Variants in ASPRV1 observed in about 807,000 individuals in gnomAD.
ASPRV1 encodes aspartic peptidase retroviral like 1.
ASPRV1 carries 7 observed loss-of-function variants against 11.0 expected under a neutral mutation model. The observed-to-expected ratio is 0.64, with a 90% CI of 0.36 to 1.20. ASPRV1 has a LOEUF of 1.20. Among genes scored for constraint, ASPRV1 ranks in the 50% most tolerant of loss-of-function variants. The pLI is 0.02. For missense variants in ASPRV1, 299 were observed against 320.0 expected, an observed-to-expected ratio of 0.93 and a Z score of 0.50; for synonymous variants, 136 against 138.4, an observed-to-expected ratio of 0.98 and a Z score of 0.12.
At chr2:69,946,734 A>G in the ASPRV1 span, among the ~76,000 whole-genome samples, 1 of 152,224 alleles carries the variant, frequency 6.6e-6, no homozygotes, top group Non-Finnish European at 1.5e-5. Context: ...GACAACAAAC[A>G]GTAGGCAGGA....
At chr2:70,056,900 A>G in the ASPRV1 span, among the ~76,000 whole-genome samples, 1 of 151,700 alleles carries the variant, frequency 6.6e-6, no homozygotes, top group Non-Finnish European at 1.5e-5. Context: ...TCACCCAGCT[A>G]ATTTTTTTGT....
the ASPRV1 span, among the ~76,000 whole-genome samples, chr2:70,021,412 G>A: frequency 4.0e-5 from 6 of 150,476 alleles, no homozygotes; most frequent in East Asian, 2.0e-4. Flanking sequence ...TCCACCTTCC[G>A]GGTTCACGAC....
chr2:69,949,814 T>C, the ASPRV1 span, among the ~76,000 whole-genome samples: 10 of 152,288 alleles, frequency 6.6e-5, no homozygotes, highest in African/African-American at 2.4e-4. Flanking sequence ...CATGCATATG[T>C]ATTTGTTTGT....
chr2:70,033,696 C>T, the ASPRV1 span, among the ~76,000 whole-genome samples: 1 of 152,104 alleles, frequency 6.6e-6, no homozygotes, highest in African/African-American at 2.4e-5. Flanking sequence ...ATTAAGCCAC[C>T]CCTCTTTAGA....
At chr2:69,990,287 G>A in the ASPRV1 span, among the ~76,000 whole-genome samples, 10 of 152,054 alleles carry the variant, frequency 6.6e-5, no homozygotes, top group Non-Finnish European at 1.2e-4. Context: ...GGGTTCATGC[G>A]ATTCTCATTC....
chr2:70,032,781 G>A, the ASPRV1 span, among the ~76,000 whole-genome samples: 1 of 152,136 alleles, frequency 6.6e-6, no homozygotes, highest in Non-Finnish European at 1.5e-5. Context: ...GTGTGGCTGA[G>A]GAGGCTGCAG....
the ASPRV1 span, chr2:69,975,715 G>A: frequency 4.6e-5 from 7 of 152,370 alleles, no homozygotes; most frequent in Non-Finnish European, 7.3e-5. Flanking sequence ...AGTAGGGGCC[G>A]AGATGATGTG....
chr2:70,042,610 A>G, the ASPRV1 span, among the ~76,000 whole-genome samples: 1 of 152,228 alleles, frequency 6.6e-6, no homozygotes, highest in Non-Finnish European at 1.5e-5. Context: ...CATAGAACAC[A>G]TGCCCAGGAG....
At chr2:69,953,021 G>T in the ASPRV1 span, among the ~76,000 whole-genome samples, 2 of 152,216 alleles carry the variant, frequency 1.3e-5, no homozygotes, top group African/African-American at 4.8e-5. Flanking sequence ...CCCTCCAGGG[G>T]CTGCACAGCG....
At chr2:69,950,324 T>G in the ASPRV1 span, among the ~76,000 whole-genome samples, 2 of 152,196 alleles carry the variant, frequency 1.3e-5, no homozygotes, top group African/African-American at 4.8e-5. Context: ...TTTTTGCCTT[T>G]GTCCTCTTGC....
At chr2:69,988,645 G>A in the ASPRV1 span, 10 of 396,520 alleles carry the variant, frequency 2.5e-5, no homozygotes, top group South Asian at 7.3e-5. Context: ...TAATGTCACT[G>A]AATTGTACAC....
the ASPRV1 span, chr2:69,968,302 G>A: frequency 6.6e-6 from 1 of 152,156 alleles, no homozygotes; most frequent in Non-Finnish European, 1.5e-5. Context: ...GGAGGCCAAG[G>A]TGGGTAGATC....
chr2:69,944,640 A>G, the ASPRV1 span, among the ~76,000 whole-genome samples: 3 of 152,172 alleles, frequency 2.0e-5, no homozygotes, highest in Admixed American at 6.5e-5. Flanking sequence ...CATATACGGC[A>G]TCTTTTCCTT....
the ASPRV1 span, among the ~76,000 whole-genome samples, chr2:70,037,448 T>A: frequency 6.6e-6 from 1 of 152,184 alleles, no homozygotes; most frequent in African/African-American, 2.4e-5. Flanking sequence ...CTCAGCCTCC[T>A]GAGCTACTGC....
At chr2:69,982,664 G>C in the ASPRV1 span, among the ~76,000 whole-genome samples, 1 of 152,138 alleles carries the variant, frequency 6.6e-6, no homozygotes, top group African/African-American at 2.4e-5. Flanking sequence ...CTGGGCACTA[G>C]GAGTCGTCAA....
the ASPRV1 span, among the ~76,000 whole-genome samples, chr2:69,933,878 G>A: frequency 7.9e-5 from 12 of 152,286 alleles, no homozygotes; most frequent in Non-Finnish European, 1.6e-4. Context: ...TCCCAATTCA[G>A]CTGGAGGGGA....
chr2:69,977,181 AT>A, the ASPRV1 span, among the ~76,000 whole-genome samples: 2 of 152,044 alleles, frequency 1.3e-5, no homozygotes, highest in African/African-American at 4.8e-5. Context: ...GTAAAAAAAA[AT>A]AAAAAATAAA....
the ASPRV1 span, chr2:69,970,830 G>C: frequency 6.6e-6 from 1 of 152,242 alleles, no homozygotes; most frequent in Non-Finnish European, 1.5e-5. Context: ...TTGAATATCA[G>C]GCCTGGCAGT....
the ASPRV1 span, among the ~76,000 whole-genome samples, chr2:70,077,974 C>T: frequency 3.3e-5 from 5 of 151,952 alleles, no homozygotes; most frequent in Admixed American, 3.3e-4. Context: ...TGAGACCAGC[C>T]TGACCAACAT....
Sources: allele counts gnomAD v4.1 joint callset (sites outside exome capture counted in the v4.1 genomes callset), GRCh38; gene constraint gnomAD v4.1.1; transcripts MANE v1.5; gene names NCBI Gene and HGNC (gene_info 2026-07-23, HGNC 2026-07-21).